Variants in PCDHAC1 observed in about 807,000 individuals in gnomAD.
The protein encoded by PCDHAC1 is protocadherin alpha-C1.
Under a neutral mutation model 60.0 loss-of-function variants are expected in PCDHAC1, and 42 were observed. The ratio of observed to expected loss-of-function variants is 0.70; its 90% CI spans 0.55 to 0.90. The LOEUF (loss-of-function observed/expected upper bound fraction) is 0.90, where lower values mean the gene tolerates loss of function less well. Ranked by LOEUF, PCDHAC1 falls within the 40% of genes least tolerant of loss-of-function variation. The pLI is 0.00. For missense variants in PCDHAC1, 1,160 were observed against 1,222.3 expected (o/e 0.95, Z 0.76); for synonymous variants, 468 against 499.3 (o/e 0.94, Z 0.84).
intron 3 of PCDHAC1, among the ~76,000 whole-genome samples, chr5:141,003,504 G>A (rs1336599901): frequency 9.2e-5 from 14 of 152,020 alleles, no homozygotes; most frequent in African/African-American, 3.4e-4. Context: ...GTAGAGATGG[G>A]GTTTCACCAT....
At position 140,960,310 on chromosome 5, in the gene PCDHAC1, C is replaced by A. The variant is rs143765051; in HGVS notation, c.2434-18639C>A. Among the ~76,000 whole-genome samples, 659 of 152,264 alleles carry A rather than the reference C, an allele frequency of 4.3e-3. 9 individuals are homozygous for A. Among genetic ancestry groups the A allele is most frequent in the Admixed American group, 4.1e-3 (63 of 15,288 alleles). ...CCAGTTTCTTCATCAATACCAACCTCATTAGGGTCCTGTGAGAAGTACATG... is the reference window on the plus strand; with the variant it reads ...CCAGTTTCTTCATCAATACCAACCTAATTAGGGTCCTGTGAGAAGTACATG... On this transcript the variant is annotated intron_variant, in intron 1 of 3. Transcript: ENST00000253807.
intron 1 of PCDHAC1, among the ~76,000 whole-genome samples, chr5:140,965,009 T>C (rs2153742434): frequency 6.6e-6 from 1 of 152,248 alleles, no homozygotes; most frequent in South Asian, 2.1e-4. Context: ...GGTGTCAGGA[T>C]CACAACCTTG....
At chr5:140,964,013 A>G (rs155811) in intron 1 of PCDHAC1, among the ~76,000 whole-genome samples, 53,810 of 151,994 alleles carry the variant, frequency 0.35, 9,678 homozygotes, top group East Asian at 0.53. Context: ...TTTTTAATAG[A>G]GAGCTCTTGA....
At chr5:140,992,430 C>T (rs1356224402) in intron 3 of PCDHAC1, among the ~76,000 whole-genome samples, 1 of 152,042 alleles carries the variant, frequency 6.6e-6, no homozygotes, top group Non-Finnish European at 1.5e-5. Flanking sequence ...GAATATTGTT[C>T]CAAGAGTTGG....
chr5:140,971,067 G>A (rs1270982335), intron 1 of PCDHAC1, among the ~76,000 whole-genome samples: 1 of 152,204 alleles, frequency 6.6e-6, no homozygotes, highest in Non-Finnish European at 1.5e-5. Flanking sequence ...TAAGGTTGCT[G>A]TAGACATTTG....
intron 1 of PCDHAC1, among the ~76,000 whole-genome samples, chr5:140,945,912 A>G (rs1351762760): frequency 2.0e-5 from 3 of 152,132 alleles, no homozygotes; most frequent in African/African-American, 7.2e-5. Flanking sequence ...TGAAAGATCA[A>G]TAACACTGAT....
At chr5:140,934,899 T>G (rs1320708660) in intron 1 of PCDHAC1, among the ~76,000 whole-genome samples, 2 of 152,184 alleles carry the variant, frequency 1.3e-5, no homozygotes, top group Non-Finnish European at 2.9e-5. Flanking sequence ...AACCTTTTAT[T>G]TTGGAATAAT....
chr5:140,933,388 G>A lies in PCDHAC1; in HGVS notation c.2433+4063G>A, dbSNP rs142801424. On this transcript the variant is annotated intron_variant, in intron 1 of 3. Transcript: ENST00000253807. Reference sequence around the variant, plus strand: ...CCCAAATTCCTTGGCTGTTCCTAGAGCCATCTGGTTACCATCTACAGATAT... The same window carrying A: ...CCCAAATTCCTTGGCTGTTCCTAGAACCATCTGGTTACCATCTACAGATAT... Among the ~76,000 whole-genome samples the A allele has an allele frequency of 5.4e-3, 828 of 152,024 alleles. 4 individuals carry two copies. The highest frequency in any genetic ancestry group is 0.019 in the African/African-American group (797 of 41,508).
In PCDHAC1 at chr5:140,928,288, C is replaced by T. The variant is rs541893248; in HGVS notation, c.1396C>T (p.Arg466Ter). 2.3e-5 allele frequency: 37 copies of T among 1,614,156 alleles called. No homozygotes were observed. The highest frequency in any genetic ancestry group is 4.5e-5 in the East Asian group (2 of 44,878). Residue 466 changes from arginine (R) to a stop codon, truncating the protein, a stop_gained, in exon 1 of 4, where the codon CGA (arginine) becomes TGA (stop). Coordinates refer to ENST00000253807, the MANE Select transcript of PCDHAC1 (RefSeq NM_018898.5). LOFTEE classifies it high-confidence loss of function. ...ENNGPGASLG[R>*]VFAQDPDLGK... is the part of the protein sequence containing the mutation. ...CAATGGCCCTGGGGCCTCTCTAGGC[C>T]GAGTGTTTGCCCAGGACCCCGACCT...
At chr5:140,938,878 C>T (rs1324581693) in intron 1 of PCDHAC1, among the ~76,000 whole-genome samples, 3 of 151,098 alleles carry the variant, frequency 2.0e-5, no homozygotes, top group Admixed American at 1.3e-4. Context: ...TAAGAAGCAA[C>T]ACACACACAC....
chr5:141,004,982 A>G (rs1445212778), intron 3 of PCDHAC1, among the ~76,000 whole-genome samples: 2 of 152,234 alleles, frequency 1.3e-5, no homozygotes, highest in African/African-American at 2.4e-5. Flanking sequence ...TTGCAGTATC[A>G]TTATCTTGGT....
intron 1 of PCDHAC1, among the ~76,000 whole-genome samples, chr5:140,969,715 A>G (rs1312398688): frequency 6.6e-6 from 1 of 152,082 alleles, no homozygotes; most frequent in Non-Finnish European, 1.5e-5. Context: ...CTACAGGGAA[A>G]TTTTTCTTTT....
chr5:140,969,257 A>G, intron 1 of PCDHAC1: 1 of 1,614,220 alleles, frequency 6.2e-7, no homozygotes, highest in Non-Finnish European at 8.5e-7. Context: ...TGACAGCAGG[A>G]ATCTCACAGG....
chr5:140,954,536 T>C (rs1438016822), intron 1 of PCDHAC1, among the ~76,000 whole-genome samples: 3 of 152,248 alleles, frequency 2.0e-5, no homozygotes, highest in African/African-American at 7.2e-5. Flanking sequence ...GTTGAGGTTT[T>C]TTTCATATGT....
At chr5:140,997,099 A>G (rs1554255700) in intron 3 of PCDHAC1, among the ~76,000 whole-genome samples, 6 of 152,108 alleles carry the variant, frequency 3.9e-5, no homozygotes. Context: ...CAGAGTTCTC[A>G]TGCACTCCTG....
chr5:140,957,879 G>T (rs2095393633), intron 1 of PCDHAC1, among the ~76,000 whole-genome samples: 1 of 151,960 alleles, frequency 6.6e-6, no homozygotes, highest in Non-Finnish European at 1.5e-5. Flanking sequence ...GTGCTGAAAA[G>T]CTGAAGTTGG....
chr5:140,968,184 C>T, intron 1 of PCDHAC1: 1 of 1,614,050 alleles, frequency 6.2e-7, no homozygotes, highest in Non-Finnish European at 8.5e-7. Flanking sequence ...CTGGAGGACT[C>T]CTATTCCATC....
chr5:140,941,202 C>CTTTCTTTCTTT (rs1554213921), intron 1 of PCDHAC1, among the ~76,000 whole-genome samples: 2,980 of 122,772 alleles, frequency 0.024, 108 homozygotes, highest in East Asian at 0.062. Context: ...TTTCTTTCTT[C>CTTTCTTTCTTT]CTTTCTTTCT....
intron 1 of PCDHAC1, among the ~76,000 whole-genome samples, chr5:140,964,435 C>G (rs2095833359): frequency 6.6e-6 from 1 of 152,108 alleles, no homozygotes; most frequent in African/African-American, 2.4e-5. Context: ...AATTACCAAG[C>G]CTCTGCCACT....
Sources: allele counts gnomAD v4.1 joint callset (sites outside exome capture counted in the v4.1 genomes callset), GRCh38; gene constraint gnomAD v4.1.1; transcripts MANE v1.5; gene names NCBI Gene and HGNC (gene_info 2026-07-23, HGNC 2026-07-21).